The following ADORA2B variants were observed in gnomAD, a reference collection of about 807,000 sequenced individuals.
ADORA2B encodes the protein adenosine A2b receptor.
Under a neutral mutation model 20.8 loss-of-function variants are expected in ADORA2B, and 18 were observed. The observed-to-expected ratio is 0.87, with a 90% confidence interval of 0.60 to 1.29. The LOEUF is 1.29. ADORA2B is among the 50% of genes most tolerant of loss of function. ADORA2B has a pLI of 0.00. For missense variants in ADORA2B, 441 were observed against 422.7 expected (o/e 1.04, Z -0.38); for synonymous variants, 179 against 178.3 (o/e 1.00, Z -0.03).
intron 1 of ADORA2B, among the ~76,000 whole-genome samples, chr17:15,967,666 A>AAAAAC (rs113859856): frequency 0.12 from 17,814 of 151,868 alleles, 1,997 homozygotes; most frequent in African/African-American, 0.29. Flanking sequence ...TCCGTCTCAA[A>AAAAAC]AAAACAAAAC....
the ADORA2B span, among the ~76,000 whole-genome samples, chr17:15,901,545 A>G: frequency 6.6e-6 from 1 of 151,938 alleles, no homozygotes; most frequent in Admixed American, 6.6e-5. Flanking sequence ...TCTACTTACT[A>G]TTTACCCATT....
chr17:15,878,996 A>T, the ADORA2B span, among the ~76,000 whole-genome samples: 3 of 152,214 alleles, frequency 2.0e-5, no homozygotes, highest in African/African-American at 7.2e-5. Flanking sequence ...AATATTTAAT[A>T]TGAAGCATAT....
chr17:15,851,629 C>T, the ADORA2B span, among the ~76,000 whole-genome samples: 1 of 152,202 alleles, frequency 6.6e-6, no homozygotes, highest in East Asian at 1.9e-4. Context: ...TGAGAAGGGG[C>T]CTGTTTGACA....
intron 1 of ADORA2B, among the ~76,000 whole-genome samples, chr17:15,970,891 C>T (rs1426689614): frequency 1.3e-5 from 2 of 152,118 alleles, no homozygotes; most frequent in African/African-American, 4.8e-5. Flanking sequence ...CACCCTTCCA[C>T]AAGAGCATCA....
upstream of ADORA2B, among the ~76,000 whole-genome samples, chr17:15,941,080 T>C (rs1275021485): frequency 6.6e-6 from 1 of 152,180 alleles, no homozygotes; most frequent in Non-Finnish European, 1.5e-5. Context: ...GTACTAGCAG[T>C]CTGGAAGAGG....
chr17:15,971,977 T>C (rs746830037), intron 1 of ADORA2B, among the ~76,000 whole-genome samples: 2 of 152,120 alleles, frequency 1.3e-5, no homozygotes, highest in Non-Finnish European at 2.9e-5. Context: ...GGAACTGTGC[T>C]AGGTCTTCGG....
At chr17:15,957,152 T>C (rs1047247670) in intron 1 of ADORA2B, among the ~76,000 whole-genome samples, 4 of 152,130 alleles carry the variant, frequency 2.6e-5, no homozygotes, top group African/African-American at 9.7e-5. Flanking sequence ...TCTACAGATA[T>C]TGGAGACTCG....
chr17:15,927,835 GAGTC>G, the ADORA2B span, among the ~76,000 whole-genome samples: 1 of 152,186 alleles, frequency 6.6e-6, no homozygotes, highest in Non-Finnish European at 1.5e-5. Flanking sequence ...CTCGGATCAA[GAGTC>G]AGGCGCAAGG....
At chr17:15,958,486 A>C (rs1227109282) in intron 1 of ADORA2B, among the ~76,000 whole-genome samples, 1 of 151,784 alleles carries the variant, frequency 6.6e-6, no homozygotes, top group Non-Finnish European at 1.5e-5. Flanking sequence ...CCCTGTGTGC[A>C]CCTCCTTCCT....
intron 1 of ADORA2B, among the ~76,000 whole-genome samples, chr17:15,950,614 A>G (rs1189367001): frequency 6.6e-6 from 1 of 152,106 alleles, no homozygotes; most frequent in Non-Finnish European, 1.5e-5. Flanking sequence ...GTGGGCCCCC[A>G]GCTGGACTCC....
chr17:15,896,319 A>C, the ADORA2B span, among the ~76,000 whole-genome samples: 2 of 152,204 alleles, frequency 1.3e-5, no homozygotes, highest in South Asian at 4.1e-4. Flanking sequence ...GTGTTTAAAC[A>C]TATTAAAGAG....
chr17:15,900,858 T>C, the ADORA2B span, among the ~76,000 whole-genome samples: 1 of 152,168 alleles, frequency 6.6e-6, no homozygotes, highest in Non-Finnish European at 1.5e-5. Flanking sequence ...TCGGCCACCA[T>C]GTAAGGAAAG....
At chr17:15,885,070 T>G in the ADORA2B span, among the ~76,000 whole-genome samples, 2 of 152,214 alleles carry the variant, frequency 1.3e-5, no homozygotes, top group Admixed American at 6.5e-5. Flanking sequence ...CTCCACAAAC[T>G]TGCCAGCATC....
At chr17:15,949,743 C>T (rs761752098) in intron 1 of ADORA2B, among the ~76,000 whole-genome samples, 4 of 151,966 alleles carry the variant, frequency 2.6e-5, no homozygotes, top group Non-Finnish European at 4.4e-5. Flanking sequence ...TGGTGGCACG[C>T]GCCTGTAATC....
the ADORA2B span, among the ~76,000 whole-genome samples, chr17:15,891,942 G>A: frequency 6.7e-6 from 1 of 149,998 alleles, no homozygotes; most frequent in Admixed American, 6.7e-5. Context: ...CCACCTGCTA[G>A]GTTCAAGCAA....
At chr17:15,966,112 A>C (rs1040325035) in intron 1 of ADORA2B, among the ~76,000 whole-genome samples, 3 of 152,246 alleles carry the variant, frequency 2.0e-5, no homozygotes, top group Non-Finnish European at 2.9e-5. Context: ...CTAAGAATGT[A>C]TATATTGCTT....
At chr17:15,910,104 G>A in the ADORA2B span, among the ~76,000 whole-genome samples, 57 of 152,224 alleles carry the variant, frequency 3.7e-4, no homozygotes, top group Non-Finnish European at 5.9e-4. Context: ...GCCTGTTAGC[G>A]CTCCTCTGAC....
the ADORA2B span, among the ~76,000 whole-genome samples, chr17:15,890,959 C>T: frequency 6.6e-6 from 1 of 152,216 alleles, no homozygotes; most frequent in Non-Finnish European, 1.5e-5. Context: ...GAGATTGGAA[C>T]AGAGGTACTA....
chr17:15,973,525 A>G (rs1487364807), intron 1 of ADORA2B, among the ~76,000 whole-genome samples: 2 of 152,216 alleles, frequency 1.3e-5, no homozygotes, highest in African/African-American at 4.8e-5. Context: ...CACACAGCAG[A>G]AGGTGAGCAG....
Sources: allele counts gnomAD v4.1 joint callset (sites outside exome capture counted in the v4.1 genomes callset), GRCh38; gene constraint gnomAD v4.1.1; transcripts MANE v1.5; gene names NCBI Gene and HGNC (gene_info 2026-07-23, HGNC 2026-07-21).